The following PCDH15 variants were observed in gnomAD, a reference collection of about 807,000 sequenced individuals.
PCDH15 encodes the protein protocadherin related 15, also known as protocadherin-15.
In PCDH15, 129 loss-of-function variants were observed where a neutral mutation model predicts 178.5. That is an observed-to-expected ratio of 0.72 (90% CI 0.63 to 0.84). The LOEUF is 0.84. Ranked by LOEUF, PCDH15 falls within the 40% of genes least tolerant of loss-of-function variation. PCDH15 has a pLI of 0.00. For synonymous variants in PCDH15, 800 were observed against 732.0 expected (o/e 1.09, Z -1.50); for missense variants, 2,230 against 2,099.9 (o/e 1.06, Z -1.21).
intron 3 of PCDH15, among the ~76,000 whole-genome samples, chr10:54,433,207 T>C (rs1268162076): frequency 6.6e-6 from 1 of 152,090 alleles, no homozygotes; most frequent in African/African-American, 2.4e-5. Flanking sequence ...GACCCAGAAA[T>C]TCAAATTTTA....
At chr10:55,499,988 A>G (rs1400008631) in intron 2 of PCDH15, among the ~76,000 whole-genome samples, 1 of 151,778 alleles carries the variant, frequency 6.6e-6, no homozygotes, top group Non-Finnish European at 1.5e-5. Flanking sequence ...CTTGCTTTCC[A>G]TCAGGTGCAA....
At chr10:53,993,981 C>T (rs2091687774) in intron 21 of PCDH15, among the ~76,000 whole-genome samples, 1 of 152,156 alleles carries the variant, frequency 6.6e-6, no homozygotes, top group South Asian at 2.1e-4. Flanking sequence ...ACTGGGAGTG[C>T]AAAACTGAAA....
intron 2 of PCDH15, among the ~76,000 whole-genome samples, chr10:55,051,513 C>T (rs955118644): frequency 6.6e-6 from 1 of 152,036 alleles, no homozygotes; most frequent in Non-Finnish European, 1.5e-5. Context: ...AAAAGTAAAT[C>T]TTTCTTATTC....
intron 3 of PCDH15, among the ~76,000 whole-genome samples, chr10:54,862,588 G>A (rs545463762): frequency 3.5e-4 from 54 of 152,258 alleles, no homozygotes; most frequent in African/African-American, 1.2e-3. Flanking sequence ...AGCTGTTTTC[G>A]TCCTGGTGTC....
At chr10:54,397,740 T>C (rs1400025774) in intron 3 of PCDH15, among the ~76,000 whole-genome samples, 2 of 152,020 alleles carry the variant, frequency 1.3e-5, no homozygotes, top group Non-Finnish European at 2.9e-5. Flanking sequence ...TTTTTCTAGA[T>C]GCACTAGATA....
chr10:55,391,655 T>A (rs1424567834), intron 2 of PCDH15, among the ~76,000 whole-genome samples: 1 of 151,954 alleles, frequency 6.6e-6, no homozygotes, highest in Non-Finnish European at 1.5e-5. Flanking sequence ...CCCGCCTAAT[T>A]TTTTGTATAT....
intron 2 of PCDH15, among the ~76,000 whole-genome samples, chr10:54,641,294 C>T (rs190318986): frequency 1.2e-3 from 181 of 152,178 alleles, no homozygotes; most frequent in Non-Finnish European, 1.1e-3. Context: ...ATCTTGACCA[C>T]AATCACCACT....
chr10:54,726,914 T>A (rs67235419), intron 1 of PCDH15, among the ~76,000 whole-genome samples: 18,277 of 150,920 alleles, frequency 0.12, 1,219 homozygotes, highest in African/African-American at 0.17. Flanking sequence ...GATTATGTAA[T>A]GAGACCAAAC....
Position 54,593,042 on chromosome 10 carries a change from T to G in PCDH15, c.92-65165A>C, listed in dbSNP as rs573814000. On this transcript the variant is annotated intron_variant, in intron 2 of 37. Coordinates refer to ENST00000644397, the MANE Select transcript of PCDH15 (RefSeq NM_001384140.1). ...GTCCATTTTTGTAAATTTATTTTTC[T>G]ATTGAGTTTTGTGAACTCCTTATAT... is the stretch of plus-strand genomic sequence containing the variant. 4.7e-4 allele frequency among the ~76,000 whole-genome samples: 72 copies of G among 152,346 alleles called. No homozygotes were observed. The South Asian group carries it at 0.015, about 32-fold the overall frequency.
intron 14 of PCDH15, among the ~76,000 whole-genome samples, chr10:54,137,677 G>T (rs918306664): frequency 6.6e-6 from 1 of 152,116 alleles, no homozygotes; most frequent in Non-Finnish European, 1.5e-5. Flanking sequence ...TTTCTTCCCT[G>T]CTATGTAAAC....
chr10:54,961,945 C>T (rs1054253838), intron 2 of PCDH15, among the ~76,000 whole-genome samples: 2 of 152,190 alleles, frequency 1.3e-5, no homozygotes, highest in Non-Finnish European at 2.9e-5. Flanking sequence ...GTCTCCTCTA[C>T]ACTCATTGGG....
At chr10:54,051,331 A>AG (rs2093769386) in intron 18 of PCDH15, among the ~76,000 whole-genome samples, 2 of 152,210 alleles carry the variant, frequency 1.3e-5, no homozygotes, top group South Asian at 4.1e-4. Context: ...TTGGAAGGCT[A>AG]GGAAGACAGA....
At chr10:55,579,810 G>T (rs891641813) in intron 2 of PCDH15, among the ~76,000 whole-genome samples, 6 of 151,658 alleles carry the variant, frequency 4.0e-5, no homozygotes, top group East Asian at 1.9e-4. Flanking sequence ...GGATTTTTTG[G>T]TTTTTTTGTT....
intron 1 of PCDH15, among the ~76,000 whole-genome samples, chr10:55,274,643 A>C (rs1842537895): frequency 6.6e-6 from 1 of 152,044 alleles, no homozygotes; most frequent in South Asian, 2.1e-4. Context: ...TGCTTTTCTT[A>C]TACCGTGTAT....
intron 3 of PCDH15, among the ~76,000 whole-genome samples, chr10:54,405,548 G>A (rs1284550466): frequency 6.6e-6 from 1 of 151,834 alleles, no homozygotes; most frequent in Non-Finnish European, 1.5e-5. Context: ...TGGAGGGTGG[G>A]AGGAGGGTGA....
At chr10:54,192,176 G>A (rs1164449622) in intron 11 of PCDH15, among the ~76,000 whole-genome samples, 3 of 129,510 alleles carry the variant, frequency 2.3e-5, no homozygotes, top group African/African-American at 9.9e-5. Flanking sequence ...GAAAGAAAAA[G>A]AAAGAGAAAG....
intron 15 of PCDH15, 135 bp downstream of exon 15, chr10:54,132,740 G>A: frequency 7.0e-7 from 1 of 1,435,242 alleles, no homozygotes. Flanking sequence ...CTTTCCAGAT[G>A]GAATTTTCAT....
chr10:53,831,022 C>A, intron 30 of PCDH15: 1 of 564,506 alleles, frequency 1.8e-6, no homozygotes, highest in Middle Eastern at 3.9e-4. Flanking sequence ...CCCAAGTTGG[C>A]TCTTAAACAA....
chr10:54,591,778 A>C (rs1423522068), intron 2 of PCDH15, among the ~76,000 whole-genome samples: 1 of 152,210 alleles, frequency 6.6e-6, no homozygotes, highest in African/African-American at 2.4e-5. Flanking sequence ...GAATTATTTC[A>C]TAATATTCTG....
Sources: gnomAD v4.1 joint callset for allele counts (sites outside exome capture counted in the v4.1 genomes callset) on GRCh38, gnomAD v4.1.1 for gene constraint, MANE v1.5 for transcripts, NCBI Gene and HGNC (gene_info 2026-07-23, HGNC 2026-07-21) for gene names.